The following SNX13 variants were observed in gnomAD, a reference collection of about 807,000 sequenced individuals.
SNX13 encodes sorting nexin 13.
Under a neutral mutation model 133.6 loss-of-function variants are expected in SNX13, and 45 were observed. The ratio of observed to expected loss-of-function variants is 0.34; its 90% CI spans 0.27 to 0.43. SNX13 has a LOEUF of 0.43. SNX13 is among the 20% of genes least tolerant of loss of function. The pLI is 1.00. For synonymous variants in SNX13, 414 were observed against 373.9 expected (o/e 1.11, Z -1.24); for missense variants, 1,032 against 1,145.1 (o/e 0.90, Z 1.43).
intron 13 of SNX13, 81 bp downstream of exon 13, chr7:17,839,726 C>T (rs183662863): frequency 8.9e-7 from 1 of 1,128,530 alleles, no homozygotes; most frequent in Non-Finnish European, 1.2e-6. Context: ...TCGAGGTAGT[C>T]AGCCTGGCAT....
intron 25 of SNX13, 83 bp from the exon 26 acceptor site, chr7:17,794,375 C>T: frequency 1.4e-6 from 2 of 1,481,182 alleles, no homozygotes; most frequent in South Asian, 1.4e-5. Context: ...AATTAAGGTA[C>T]ACAGCAGAGT....
chr7:17,805,812 CT>C (rs923178839), intron 20 of SNX13, among the ~76,000 whole-genome samples: 1 of 151,672 alleles, frequency 6.6e-6, no homozygotes, highest in Non-Finnish European at 1.5e-5. Flanking sequence ...GTACTGAAGC[CT>C]TTTTTTTGTT....
chr7:17,863,148 G>C (rs1562797800), intron 9 of SNX13, among the ~76,000 whole-genome samples: 1 of 151,964 alleles, frequency 6.6e-6, no homozygotes, highest in East Asian at 1.9e-4. Context: ...CCCTGAGCCA[G>C]AGCAGAATTC....
intron 1 of SNX13, among the ~76,000 whole-genome samples, chr7:17,926,992 C>A (rs1800821155): frequency 6.6e-6 from 1 of 152,046 alleles, no homozygotes; most frequent in African/African-American, 2.4e-5. Context: ...AGATTATCTA[C>A]CTTACCAGCA....
Position 17,937,106 on chromosome 7 carries a change from G to A in SNX13, c.12+3178C>T, listed in dbSNP as rs558239308. On this transcript the variant is annotated intron_variant, in intron 1 of 25. Coordinates refer to ENST00000428135, the MANE Select transcript of SNX13 (RefSeq NM_015132.5). ...AAAAAAAAAATACATACATAAATAT[G>A]ACTAGCAAGTTTTCTAAATAATTCC... Among the ~76,000 whole-genome samples, 19 of 147,102 alleles carry A rather than the reference G, an allele frequency of 1.3e-4. No individual in the cohort carries two copies. The South Asian group carries it at 4.1e-3, about 32-fold the overall frequency.
chr7:17,827,488 T>C (rs1183062948), intron 16 of SNX13, among the ~76,000 whole-genome samples: 1 of 151,964 alleles, frequency 6.6e-6, no homozygotes, highest in Non-Finnish European at 1.5e-5. Context: ...ATTAAGGCAA[T>C]TGCATTCTAA....
intron 13 of SNX13, among the ~76,000 whole-genome samples, chr7:17,839,536 T>C (rs1344893044): frequency 6.6e-6 from 1 of 151,964 alleles, no homozygotes; most frequent in Non-Finnish European, 1.5e-5. Flanking sequence ...GTTTATCTTT[T>C]TCTATCCTTT....
chr7:17,834,225 T>C (rs763530515), intron 14 of SNX13, 41 bp from the exon 15 acceptor site: 23 of 1,475,748 alleles, frequency 1.6e-5, no homozygotes, highest in East Asian at 1.2e-4. Context: ...TTAATACAGG[T>C]GTGTGGTGAT....
intron 12 of SNX13, among the ~76,000 whole-genome samples, chr7:17,843,591 G>A (rs1217392279): frequency 6.6e-6 from 1 of 151,960 alleles, no homozygotes; most frequent in Admixed American, 6.6e-5. Context: ...CAAGCATACA[G>A]AACACTTCCC....
At chr7:17,932,186 C>A (rs998305374) in intron 1 of SNX13, among the ~76,000 whole-genome samples, 126 of 152,242 alleles carry the variant, frequency 8.3e-4, no homozygotes, top group African/African-American at 3.0e-3. Context: ...TTAATGAAAT[C>A]ATAATATCAA....
At chr7:17,856,840 A>T (rs1791964620) in intron 9 of SNX13, among the ~76,000 whole-genome samples, 1 of 151,230 alleles carries the variant, frequency 6.6e-6, no homozygotes, top group Non-Finnish European at 1.5e-5. Flanking sequence ...AAAGAAAAAG[A>T]AAATTCACCT....
chr7:17,932,016 G>A lies in SNX13; in HGVS notation c.12+8268C>T, dbSNP rs370439044. Among the ~76,000 whole-genome samples, 36 of 152,192 alleles carry A rather than the reference G, an allele frequency of 2.4e-4. 2 individuals are homozygous for A. Among genetic ancestry groups the A allele is most frequent in the African/African-American group, 7.0e-4 (29 of 41,512 alleles). On this transcript the variant is annotated intron_variant, in intron 1 of 25. Coordinates refer to ENST00000428135, the MANE Select transcript of SNX13 (RefSeq NM_015132.5). ...CCAAAATTTCCAACTTTGAAACCAC[G>A]GCCAAATTTTTACTGATACTTACAA...
chr7:17,891,990 C>T (rs1225387265), intron 3 of SNX13, among the ~76,000 whole-genome samples: 1 of 152,018 alleles, frequency 6.6e-6, no homozygotes, highest in African/African-American at 2.4e-5. Context: ...TTGCCCCTCC[C>T]CTTTCCCAGC....
intron 19 of SNX13, 22 bp downstream of exon 19, chr7:17,816,160 A>G: frequency 6.6e-7 from 1 of 1,514,252 alleles, no homozygotes; most frequent in Non-Finnish European, 8.8e-7. Context: ...AAATCTGTGG[A>G]TTATAGTAAA....
In SNX13 at chr7:17,897,337, C is replaced by T; in HGVS notation, c.122G>A (p.Gly41Asp). The change falls in exon 2 of 26, where the codon GGT becomes GAT. Residue 41 changes from glycine to aspartate, a missense_variant. Transcript: ENST00000428135. The part of the protein sequence containing the change: ...YLTFYILCFV[G>D]GGLVVTLLFG... ...AATTATAATTGAGTATACTTACCCA[C>T]CCACAAAGCAGAGGATATAAAATGT... The T allele has an allele frequency of 6.5e-7, 1 of 1,527,164 alleles. No individual in the cohort carries two copies. Among genetic ancestry groups the T allele is most frequent in the Non-Finnish European group, 8.9e-7 (1 of 1,129,166 alleles). 94.6% of individuals were successfully genotyped at this position (1,527,164 alleles called of 1,614,324 possible).
chr7:17,899,885 A>ATTG (rs1353681737), intron 1 of SNX13: 5 of 152,146 alleles, frequency 3.3e-5, no homozygotes, highest in Non-Finnish European at 5.9e-5. Flanking sequence ...ATGTCTGGAC[A>ATTG]TTGAAGAGTT....
At chr7:17,800,969 T>C (rs1002152164) in intron 22 of SNX13, among the ~76,000 whole-genome samples, 12 of 98,160 alleles carry the variant, frequency 1.2e-4, no homozygotes, top group African/African-American at 4.2e-4. Flanking sequence ...GTGGTACAAA[T>C]AATTTGAAAA....
chr7:17,924,240 A>T (rs144985797), intron 1 of SNX13, among the ~76,000 whole-genome samples: 1 of 152,354 alleles, frequency 6.6e-6, no homozygotes, highest in African/African-American at 2.4e-5. Context: ...TATCTGATTA[A>T]TAGACTTCTA....
intron 1 of SNX13, among the ~76,000 whole-genome samples, chr7:17,910,344 C>G (rs1798828634): frequency 6.6e-6 from 1 of 152,132 alleles, no homozygotes; most frequent in Admixed American, 6.5e-5. Flanking sequence ...GTTGAAAAAT[C>G]TGTTGCAAAA....
Sources: allele counts gnomAD v4.1 joint callset (sites outside exome capture counted in the v4.1 genomes callset), GRCh38; gene constraint gnomAD v4.1.1; transcripts MANE v1.5; gene names NCBI Gene and HGNC (gene_info 2026-07-23, HGNC 2026-07-21).